The following ATP11A variants were observed in gnomAD, a reference collection of about 807,000 sequenced individuals.
The protein encoded by ATP11A is ATPase phospholipid transporting 11A.
A neutral mutation model predicts 154.4 loss-of-function variants in ATP11A; 81 were observed. That is an observed-to-expected ratio of 0.52 (90% CI 0.44 to 0.63). ATP11A has a LOEUF of 0.63. Among genes scored for constraint, ATP11A ranks in the 30% least tolerant of loss-of-function variants. ATP11A has a pLI of 0.00. For missense variants in ATP11A, 1,316 were observed against 1,474.3 expected (o/e 0.89, Z 1.76); for synonymous variants, 623 against 585.9 (o/e 1.06, Z -0.91).
At chr13:112,765,612 G>A (rs559599203) in intron 1 of ATP11A, among the ~76,000 whole-genome samples, 24 of 152,362 alleles carry the variant, frequency 1.6e-4, no homozygotes, top group Non-Finnish European at 2.4e-4. Flanking sequence ...GTGAGAACGA[G>A]GGTTGATCTT....
intron 14 of ATP11A, among the ~76,000 whole-genome samples, chr13:112,834,219 A>G (rs1210846655): frequency 6.6e-6 from 1 of 152,220 alleles, no homozygotes; most frequent in Admixed American, 6.5e-5. Flanking sequence ...TCCCTCTGGC[A>G]TCGTGTTCTC....
chr13:112,729,685 T>C (rs981529142), intron 1 of ATP11A, among the ~76,000 whole-genome samples: 2 of 152,268 alleles, frequency 1.3e-5, no homozygotes, highest in African/African-American at 2.4e-5. Flanking sequence ...GCCGCAGCGC[T>C]CCTGCTATTT....
intron 5 of ATP11A, among the ~76,000 whole-genome samples, chr13:112,814,590 G>A (rs1331643359): frequency 1.3e-5 from 2 of 152,102 alleles, no homozygotes; most frequent in African/African-American, 4.8e-5. Context: ...CTGTCTTGTC[G>A]CCCCTGCACC....
At chr13:112,695,340 A>C (rs1171353310) in intron 1 of ATP11A, among the ~76,000 whole-genome samples, 2 of 152,250 alleles carry the variant, frequency 1.3e-5, no homozygotes, top group African/African-American at 2.4e-5. Context: ...ACAAATGTTT[A>C]ACCAGGCAGC....
At chr13:112,706,988 A>T (rs1887208870) in intron 1 of ATP11A, among the ~76,000 whole-genome samples, 1 of 152,224 alleles carries the variant, frequency 6.6e-6, no homozygotes, top group South Asian at 2.1e-4. Context: ...ACAAAAAGCA[A>T]ATTCGAGCGA....
intron 5 of ATP11A, 65 bp from the exon 6 acceptor site, chr13:112,816,018 C>T: frequency 6.2e-7 from 1 of 1,604,086 alleles, no homozygotes; most frequent in South Asian, 1.1e-5. Context: ...GAAGCGGTCC[C>T]ACAGGACGGG....
rs112241856 is a variant in ATP11A at position 112,788,449 on chromosome 13, A to C, written c.162+3192A>C. Reference sequence around the variant, plus strand: ...AATTCACACCGGTGTCCTCATGTGTAGACCCTTGCGGAGACCTACTTAATT... The same window carrying C: ...AATTCACACCGGTGTCCTCATGTGTCGACCCTTGCGGAGACCTACTTAATT... On this transcript the variant is annotated intron_variant, in intron 2 of 29. Transcript: ENST00000375645. Among the ~76,000 whole-genome samples, 138 of 150,436 alleles carry C rather than the reference A, an allele frequency of 9.2e-4. 2 individuals carry two copies. The highest frequency in any genetic ancestry group is 3.3e-3 in the African/African-American group (133 of 40,624).
At chr13:112,812,482 C>CAT (rs2078529194) in intron 5 of ATP11A, among the ~76,000 whole-genome samples, 1 of 152,158 alleles carries the variant, frequency 6.6e-6, no homozygotes, top group Non-Finnish European at 1.5e-5. Context: ...GAGCCAGGTG[C>CAT]GTTCCAGAAG....
chr13:112,872,793 C>T (rs1335105342), intron 26 of ATP11A, among the ~76,000 whole-genome samples: 1 of 140,080 alleles, frequency 7.1e-6, no homozygotes, highest in African/African-American at 2.5e-5. Context: ...TTCTTCCTCT[C>T]CACTCACACT....
intron 17 of ATP11A, among the ~76,000 whole-genome samples, chr13:112,850,165 A>G (rs1197618843): frequency 6.6e-6 from 1 of 152,204 alleles, no homozygotes; most frequent in African/African-American, 2.4e-5. Context: ...GCTTCATCTC[A>G]TAGAACGGAA....
chr13:112,809,315 C>T (rs1179946625), intron 4 of ATP11A, among the ~76,000 whole-genome samples: 10 of 152,198 alleles, frequency 6.6e-5, no homozygotes, highest in African/African-American at 1.7e-4. Context: ...GGAGAAAGCT[C>T]GCACGTTTGG....
chr13:112,785,609 G>T lies in ATP11A; in HGVS notation c.162+352G>T, dbSNP rs1351584930. 1.3e-5 allele frequency among the ~76,000 whole-genome samples: 2 copies of T among 152,156 alleles called. No homozygotes were observed. Among genetic ancestry groups the T allele is most frequent in the Non-Finnish European group, 1.5e-5 (1 of 68,034 alleles). On this transcript the variant is annotated intron_variant, in intron 2 of 29. Transcript: ENST00000375645. The surrounding 1 kb of genome is among the most constrained non-coding windows in gnomAD (Gnocchi z 4.8). ...TGCTTGTCGTGGGCCACCCTGGCCA[G>T]AGTCTCAGTGCCAGTAAGGTAGAAA...
intron 1 of ATP11A, among the ~76,000 whole-genome samples, chr13:112,723,462 G>A (rs564521808): frequency 1.9e-4 from 28 of 149,068 alleles, no homozygotes; most frequent in African/African-American, 6.2e-4. Flanking sequence ...AGTAGAGACG[G>A]GGTTTCACAA....
At chr13:112,868,012 T>C (rs1379517897) in intron 25 of ATP11A, among the ~76,000 whole-genome samples, 1 of 152,194 alleles carries the variant, frequency 6.6e-6, no homozygotes, top group Non-Finnish European at 1.5e-5. Context: ...AACAATAGAA[T>C]TATGGACATC....
intron 13 of ATP11A, among the ~76,000 whole-genome samples, chr13:112,831,903 C>T (rs992836164): frequency 6.6e-6 from 1 of 151,996 alleles, no homozygotes; most frequent in Non-Finnish European, 1.5e-5. Context: ...CACGCACTCA[C>T]ACATGCCCAG....
At chr13:112,700,696 C>T (rs1257664647) in intron 1 of ATP11A, among the ~76,000 whole-genome samples, 2 of 152,236 alleles carry the variant, frequency 1.3e-5, no homozygotes, top group East Asian at 1.9e-4. Flanking sequence ...CCCCTTCACT[C>T]GCAGAAGCGT....
chr13:112,853,229 GCT>G (rs1305545259), intron 18 of ATP11A, among the ~76,000 whole-genome samples: 1 of 151,482 alleles, frequency 6.6e-6, no homozygotes, highest in Non-Finnish European at 1.5e-5. Context: ...TCTCTTGCTC[GCT>G]CTCTTTCTCT....
chr13:112,774,864 C>T (rs1477245678), intron 1 of ATP11A, among the ~76,000 whole-genome samples: 2 of 152,250 alleles, frequency 1.3e-5, no homozygotes, highest in Admixed American at 6.5e-5. Context: ...ACATGTCTAC[C>T]GGCATCGGTG....
chr13:112,749,776 A>T (rs1230060663), intron 1 of ATP11A, among the ~76,000 whole-genome samples: 2 of 147,044 alleles, frequency 1.4e-5, no homozygotes, highest in Non-Finnish European at 3.0e-5. Flanking sequence ...CCACGTGGGG[A>T]CACGCCTGCT....
Sources: gnomAD v4.1 joint callset for allele counts (sites outside exome capture counted in the v4.1 genomes callset) on GRCh38, gnomAD v4.1.1 for gene constraint, Gnocchi (gnomAD v3.1) non-coding constraint, MANE v1.5 for transcripts, NCBI Gene and HGNC (gene_info 2026-07-23, HGNC 2026-07-21) for gene names.